Variants in NAALADL2 observed in about 807,000 individuals in gnomAD.
NAALADL2 encodes the protein inactive N-acetylated-alpha-linked acidic dipeptidase-like protein 2.
In NAALADL2, 76 loss-of-function variants were observed where a neutral mutation model predicts 87.2. The observed-to-expected ratio is 0.87, with a 90% CI of 0.72 to 1.05. NAALADL2 has a LOEUF of 1.05. NAALADL2 is among the 50% of genes least tolerant of loss of function. The pLI, the probability that NAALADL2 is intolerant of heterozygous loss-of-function variation, is 0.00. For synonymous variants in NAALADL2, 354 were observed against 331.0 expected (o/e 1.07, Z -0.75); for missense variants, 1,089 against 945.8 (o/e 1.15, Z -1.99).
chr3:174,774,192 T>C (rs565698192), intron 3 of NAALADL2, among the ~76,000 whole-genome samples: 93 of 152,284 alleles, frequency 6.1e-4, no homozygotes, highest in African/African-American at 2.0e-3. Context: ...AACCAATAGA[T>C]ACTACCTTAG....
At chr3:174,581,778 G>A (rs1213835777) in intron 2 of NAALADL2, among the ~76,000 whole-genome samples, 1 of 152,144 alleles carries the variant, frequency 6.6e-6, no homozygotes, top group Non-Finnish European at 1.5e-5. Flanking sequence ...TGCGAGGACT[G>A]ATGCATGTCA....
chr3:175,251,493 A>G (rs1190575888), intron 3 of NAALADL2, among the ~76,000 whole-genome samples: 1 of 152,214 alleles, frequency 6.6e-6, no homozygotes, highest in East Asian at 1.9e-4. Context: ...TTAAGTAACT[A>G]GATTTGTGCT....
chr3:175,187,558 T>G (rs1177633343), intron 2 of NAALADL2, among the ~76,000 whole-genome samples: 1 of 152,228 alleles, frequency 6.6e-6, no homozygotes, highest in Non-Finnish European at 1.5e-5. Flanking sequence ...AACAAAGTGC[T>G]TCCAAATGAT....
intron 3 of NAALADL2, among the ~76,000 whole-genome samples, chr3:174,854,228 AG>A (rs1251052054): frequency 1.3e-5 from 2 of 152,332 alleles, no homozygotes; most frequent in East Asian, 3.9e-4. Flanking sequence ...TATCTTTTGC[AG>A]TACATGGATG....
intron 5 of NAALADL2, among the ~76,000 whole-genome samples, chr3:175,371,101 A>G (rs145090773): frequency 2.7e-3 from 408 of 152,332 alleles, no homozygotes; most frequent in Middle Eastern, 6.8e-3. Context: ...TGTCTTAGAC[A>G]ATATTACCAA....
In NAALADL2 at chr3:175,107,970, T is replaced by C. The variant is rs182930545; in HGVS notation, c.545+10679T>C. 1.9e-4 allele frequency among the ~76,000 whole-genome samples: 29 copies of C among 151,852 alleles called. 2 individuals carry two copies. In the East Asian group the frequency reaches 5.2e-3, roughly 27 times the overall value. ...TCATTCTTATCTATAAAAAAAATGG[T>C]ATTGAAGTTCTCTTTCCTTTCATTA... On this transcript the variant is annotated intron_variant, in intron 2 of 13. Transcript: ENST00000454872.
intron 2 of NAALADL2, among the ~76,000 whole-genome samples, chr3:174,691,787 T>C (rs749638398): frequency 6.6e-6 from 1 of 152,224 alleles, no homozygotes; most frequent in Non-Finnish European, 1.5e-5. Context: ...TCTCTTGTTA[T>C]TTCAACACTG....
chr3:175,256,204 C>G (rs530164683), intron 3 of NAALADL2, among the ~76,000 whole-genome samples: 40 of 152,210 alleles, frequency 2.6e-4, no homozygotes, highest in African/African-American at 9.4e-4. Flanking sequence ...ATGACTCACA[C>G]ATTTTCTCTA....
intron 9 of NAALADL2, among the ~76,000 whole-genome samples, chr3:175,572,831 G>T (rs1368422609): frequency 6.6e-6 from 1 of 151,648 alleles, no homozygotes; most frequent in Non-Finnish European, 1.5e-5. Flanking sequence ...TGAGGTGGGA[G>T]GATCCCTTAA....
intron 9 of NAALADL2, among the ~76,000 whole-genome samples, chr3:175,507,487 A>G (rs530836853): frequency 3.4e-4 from 52 of 151,412 alleles, no homozygotes; most frequent in African/African-American, 1.2e-3. Context: ...CAATGGTGTG[A>G]TCTCGGCTCA....
At chr3:174,799,066 A>G (rs769869988) in intron 3 of NAALADL2, among the ~76,000 whole-genome samples, 1 of 151,844 alleles carries the variant, frequency 6.6e-6, no homozygotes, top group Non-Finnish European at 1.5e-5. Context: ...GTTATTTGTG[A>G]GGCTGAGGCA....
chr3:175,076,432 G>A (rs1019877692), intron 1 of NAALADL2, among the ~76,000 whole-genome samples: 1 of 150,944 alleles, frequency 6.6e-6, no homozygotes, highest in Non-Finnish European at 1.5e-5. Context: ...AGATAACTCT[G>A]ATAGCAGTGT....
In NAALADL2 at chr3:174,787,606, T is replaced by TATACATATATATATATATACAC. The variant is rs1553855461; in HGVS notation, c.-9+49863_-9+49864insCATATATATATATATACACATA. 3.1e-4 allele frequency among the ~76,000 whole-genome samples: 33 copies of TATACATATATATATATATACAC among 104,814 alleles called. 3 individuals carry two copies. The highest frequency in any genetic ancestry group is 9.4e-4 in the South Asian group (3 of 3,180). The allele number at this position is 104,814 out of a possible 152,430, so 68.8% of individuals were successfully genotyped here. A position where few individuals can be genotyped will look rare whatever the true frequency, so the allele number is the denominator to read the frequency against. On this transcript the variant is annotated intron_variant, in intron 3 of 3. Coordinates refer to the NAALADL2 transcript ENST00000434257. ...ATATATATATATATATATATATATA[T>TATACATATATATATATATACAC]ATATATATATATATAGTAGTGACTC... is the stretch of plus-strand genomic sequence containing the variant.
At chr3:175,619,471 GAAA>G (rs60441964) in intron 10 of NAALADL2, among the ~76,000 whole-genome samples, 33 of 143,436 alleles carry the variant, frequency 2.3e-4, no homozygotes, top group Middle Eastern at 3.6e-3. Flanking sequence ...AACATGGTGG[GAAA>G]AAAAAAAAAA....
chr3:174,718,018 A>G (rs1018872422), intron 2 of NAALADL2, among the ~76,000 whole-genome samples: 1 of 152,048 alleles, frequency 6.6e-6, no homozygotes, highest in Non-Finnish European at 1.5e-5. Context: ...AATCCCAGCT[A>G]CTTGGGAGGC....
At chr3:174,882,779 A>G (rs1357094383) in intron 1 of NAALADL2, among the ~76,000 whole-genome samples, 6 of 139,588 alleles carry the variant, frequency 4.3e-5, no homozygotes, top group Non-Finnish European at 9.1e-5. Flanking sequence ...GTGTATATAT[A>G]CATATGTGTA....
At chr3:174,847,877 A>C (rs1419309772) in intron 3 of NAALADL2, among the ~76,000 whole-genome samples, 1 of 151,726 alleles carries the variant, frequency 6.6e-6, no homozygotes, top group East Asian at 1.9e-4. Context: ...AGCTGAACAT[A>C]GAATTTCTCT....
chr3:174,826,673 C>G (rs190419722), intron 3 of NAALADL2, among the ~76,000 whole-genome samples: 128 of 152,262 alleles, frequency 8.4e-4, no homozygotes, highest in Non-Finnish European at 1.3e-3. Context: ...TAAAATAGTT[C>G]TGACTTCCTT....
At chr3:175,787,946 G>A (rs186078397) in intron 13 of NAALADL2, among the ~76,000 whole-genome samples, 2 of 152,152 alleles carry the variant, frequency 1.3e-5, no homozygotes, top group Admixed American at 6.5e-5. Flanking sequence ...TAGCCTAAGT[G>A]TACAGTGTTA....
Sources: allele counts gnomAD v4.1 joint callset (sites outside exome capture counted in the v4.1 genomes callset), GRCh38; gene constraint gnomAD v4.1.1; transcripts MANE v1.5; gene names NCBI Gene and HGNC (gene_info 2026-07-23, HGNC 2026-07-21).